The following AGMO variants were observed in gnomAD, a reference collection of about 807,000 sequenced individuals.
The protein encoded by AGMO is alkylglycerol monooxygenase, also known as glyceryl-ether monooxygenase.
AGMO carries 75 observed loss-of-function variants against 60.2 expected under a neutral mutation model. The observed-to-expected ratio is 1.25, with a 90% CI of 1.03 to 1.51. The LOEUF (loss-of-function observed/expected upper bound fraction) is 1.51, where lower values mean the gene tolerates loss of function less well. AGMO is among the 40% of genes most tolerant of loss of function. AGMO has a pLI of 0.00. For missense variants in AGMO, 763 were observed against 525.5 expected, an observed-to-expected ratio of 1.45 and a Z score of -4.42; for synonymous variants, 261 against 177.1, an observed-to-expected ratio of 1.47 and a Z score of -3.76.
chr7:15,350,725 A>T (rs1453453498), intron 12 of AGMO, among the ~76,000 whole-genome samples: 2 of 152,198 alleles, frequency 1.3e-5, no homozygotes, highest in Non-Finnish European at 2.9e-5. Flanking sequence ...AAATTAGTCA[A>T]CTTTTCCTTT....
At chr7:15,159,734 T>C in the AGMO span, among the ~76,000 whole-genome samples, 2 of 152,192 alleles carry the variant, frequency 1.3e-5, no homozygotes, top group African/African-American at 4.8e-5. Context: ...GCTTCAACTT[T>C]GCTAATTTGT....
chr7:15,275,798 C>CT (rs553694767), intron 12 of AGMO, among the ~76,000 whole-genome samples: 70 of 150,378 alleles, frequency 4.7e-4, no homozygotes, highest in Non-Finnish European at 6.7e-4. Flanking sequence ...ATGCTTTTGT[C>CT]TTTTTTTTTA....
chr7:15,493,186 A>G (rs1160734230), intron 3 of AGMO, among the ~76,000 whole-genome samples: 2 of 151,964 alleles, frequency 1.3e-5, no homozygotes, highest in African/African-American at 4.8e-5. Flanking sequence ...AAACTTGCAG[A>G]CAAGGTACAA....
At chr7:15,302,016 T>C (rs939712971) in intron 12 of AGMO, among the ~76,000 whole-genome samples, 1 of 152,176 alleles carries the variant, frequency 6.6e-6, no homozygotes, top group Non-Finnish European at 1.5e-5. Context: ...TTTTATTTAC[T>C]TAAAATATGT....
At chr7:15,345,278 T>C (rs1781993502) in intron 12 of AGMO, among the ~76,000 whole-genome samples, 1 of 152,198 alleles carries the variant, frequency 6.6e-6, no homozygotes, top group South Asian at 2.1e-4. Flanking sequence ...TCCCATTTTA[T>C]GGAACACTCC....
At chr7:15,348,840 A>T (rs971926185) in intron 12 of AGMO, among the ~76,000 whole-genome samples, 2 of 152,134 alleles carry the variant, frequency 1.3e-5, no homozygotes, top group Non-Finnish European at 2.9e-5. Context: ...GCCTTCAGCA[A>T]TCATCTGAAG....
At chr7:15,366,916 C>CT (rs1481127868) in intron 10 of AGMO, among the ~76,000 whole-genome samples, 3 of 152,030 alleles carry the variant, frequency 2.0e-5, no homozygotes, top group Non-Finnish European at 2.9e-5. Context: ...CTAAGACAGT[C>CT]TGTCCATTGA....
chr7:15,276,576 T>TAC (rs1216180166), intron 12 of AGMO, among the ~76,000 whole-genome samples: 2 of 152,192 alleles, frequency 1.3e-5, no homozygotes, highest in African/African-American at 4.8e-5. Flanking sequence ...TCTGGATGTC[T>TAC]ACATCTCTAG....
intron 3 of AGMO, among the ~76,000 whole-genome samples, chr7:15,475,316 A>G (rs1179132065): frequency 6.6e-6 from 1 of 152,156 alleles, no homozygotes; most frequent in Non-Finnish European, 1.5e-5. Flanking sequence ...GACAGACTGG[A>G]TAAAGAAAAT....
At chr7:15,447,078 G>T (rs1210910345) in intron 3 of AGMO, among the ~76,000 whole-genome samples, 2 of 152,188 alleles carry the variant, frequency 1.3e-5, no homozygotes, top group South Asian at 2.1e-4. Flanking sequence ...TAGCTGAAAG[G>T]TTAGATAAAC....
chr7:15,378,060 C>T (rs1004012938), intron 10 of AGMO, among the ~76,000 whole-genome samples: 5 of 151,916 alleles, frequency 3.3e-5, no homozygotes, highest in African/African-American at 7.3e-5. Flanking sequence ...ACTATATGTC[C>T]AATCATTACA....
At chr7:15,234,319 T>A (rs1489546922) in intron 12 of AGMO, among the ~76,000 whole-genome samples, 4 of 152,182 alleles carry the variant, frequency 2.6e-5, no homozygotes, top group African/African-American at 9.7e-5. Context: ...TGTCTATCTC[T>A]CCCAAGGTTA....
the AGMO span, among the ~76,000 whole-genome samples, chr7:15,173,667 T>C: frequency 9.2e-5 from 14 of 152,168 alleles, no homozygotes; most frequent in Admixed American, 8.5e-4. Flanking sequence ...ATCATAACCA[T>C]ATACTATTAA....
chr7:15,195,177 T>C, the AGMO span, among the ~76,000 whole-genome samples: 2 of 152,156 alleles, frequency 1.3e-5, no homozygotes, highest in Non-Finnish European at 2.9e-5. Flanking sequence ...CCCCTGTATA[T>C]TTTAACACTA....
the AGMO span, among the ~76,000 whole-genome samples, chr7:15,144,982 G>A: frequency 5.3e-5 from 8 of 152,140 alleles, no homozygotes; most frequent in East Asian, 1.9e-4. Context: ...GGCGCCCGCC[G>A]CCACGCTTTG....
At chr7:15,218,656 T>A (rs1441546419) in intron 12 of AGMO, among the ~76,000 whole-genome samples, 2 of 152,108 alleles carry the variant, frequency 1.3e-5, no homozygotes, top group African/African-American at 4.8e-5. Context: ...TAAAAATACT[T>A]ATTAATTTAA....
chr7:15,292,188 G>C (rs550735777), intron 12 of AGMO, among the ~76,000 whole-genome samples: 12 of 152,284 alleles, frequency 7.9e-5, no homozygotes, highest in Admixed American at 2.6e-4. Context: ...GGAGGATTCA[G>C]AGCAGAGATT....
At chr7:15,443,654 G>T (rs755169998) in intron 3 of AGMO, among the ~76,000 whole-genome samples, 3 of 152,086 alleles carry the variant, frequency 2.0e-5, no homozygotes, top group African/African-American at 2.4e-5. Context: ...TCAAAATCTA[G>T]TGCAGGCATC....
chr7:15,420,131 T>C (rs918470238), intron 4 of AGMO, among the ~76,000 whole-genome samples: 4 of 152,126 alleles, frequency 2.6e-5, no homozygotes, highest in Non-Finnish European at 4.4e-5. Flanking sequence ...ATATTTATAG[T>C]TCATTATAAT....
Sources: allele counts gnomAD v4.1 joint callset (sites outside exome capture counted in the v4.1 genomes callset), GRCh38; gene constraint gnomAD v4.1.1; transcripts MANE v1.5; gene names NCBI Gene and HGNC (gene_info 2026-07-23, HGNC 2026-07-21).